GLDC: variants seen among roughly 807,000 people sequenced by gnomAD.
GLDC encodes glycine decarboxylase, also known as glycine dehydrogenase (decarboxylating), mitochondrial.
In GLDC, 104 loss-of-function variants were observed where a neutral mutation model predicts 121.3. The ratio of observed to expected loss-of-function variants is 0.86; its 90% CI spans 0.73 to 1.01. The LOEUF (loss-of-function observed/expected upper bound fraction) is 1.01. Among genes scored for constraint, GLDC ranks in the 50% least tolerant of loss-of-function variants. The probability of loss-of-function intolerance (pLI) is 0.00; values close to 1 mark genes in which losing one functional copy is unlikely to be tolerated. For synonymous variants in GLDC, 546 were observed against 480.6 expected, an observed-to-expected ratio of 1.14 and a Z score of -1.78; for missense variants, 1,429 against 1,306.6, an observed-to-expected ratio of 1.09 and a Z score of -1.44.
At chr9:6,600,817 G>T (rs980669189) in intron 8 of GLDC, among the ~76,000 whole-genome samples, 1 of 152,196 alleles carries the variant, frequency 6.6e-6, no homozygotes, top group African/African-American at 2.4e-5. Flanking sequence ...ACTTCAAGGA[G>T]CAGAACCCAG....
intron 21 of GLDC, among the ~76,000 whole-genome samples, chr9:6,544,692 A>G (rs1011351896): frequency 1.2e-4 from 18 of 150,522 alleles, no homozygotes; most frequent in Non-Finnish European, 2.4e-4. Flanking sequence ...AACATAAAGA[A>G]AACGTTGGGA....
intron 2 of GLDC, chr9:6,639,112 T>C: frequency 1.4e-6 from 1 of 722,432 alleles, no homozygotes; most frequent in Admixed American, 2.0e-5. Context: ...TATTGAGAAT[T>C]AATGACAAAA....
chr9:6,562,492 G>GA (rs2129748573), intron 16 of GLDC, among the ~76,000 whole-genome samples: 1 of 152,242 alleles, frequency 6.6e-6, no homozygotes, highest in African/African-American at 2.4e-5. Context: ...TCAGTGATGT[G>GA]AAAAAATCTT....
intron 4 of GLDC, among the ~76,000 whole-genome samples, chr9:6,609,938 TC>T (rs1223066145): frequency 1.4e-4 from 21 of 151,994 alleles, no homozygotes; most frequent in African/African-American, 5.1e-4. Flanking sequence ...TCTTTACCCC[TC>T]GCCTGCCAAC....
intron 15 of GLDC, among the ~76,000 whole-genome samples, chr9:6,568,077 GA>G (rs1209797850): frequency 6.6e-6 from 1 of 152,136 alleles, no homozygotes; most frequent in Non-Finnish European, 1.5e-5. Flanking sequence ...TGACTTTCTT[GA>G]AAGGCCAATC....
chr9:6,640,812 T>A (rs902789987), intron 2 of GLDC, among the ~76,000 whole-genome samples: 1 of 152,182 alleles, frequency 6.6e-6, no homozygotes, highest in Non-Finnish European at 1.5e-5. Context: ...CATAAAGTAA[T>A]TTTTAACTTT....
chr9:6,593,085 G>C, intron 9 of GLDC, 95 bp from the exon 10 acceptor site: 2 of 1,337,380 alleles, frequency 1.5e-6, no homozygotes, highest in Non-Finnish European at 2.2e-6. Flanking sequence ...AATTCTACTA[G>C]ACTCTTGTTG....
At chr9:6,557,837 A>C (rs1438091506) in intron 17 of GLDC, 1 of 154,328 alleles carries the variant, frequency 6.5e-6, no homozygotes. Flanking sequence ...GGACTTAATA[A>C]TTTCAACTAC....
intron 18 of GLDC, 170 bp from the exon 19 acceptor site, chr9:6,554,951 C>G (rs1347101299): frequency 1.5e-6 from 1 of 677,630 alleles, no homozygotes; most frequent in Admixed American, 2.1e-5. Context: ...TCCGTAGTCA[C>G]AAACTGGCAT....
chr9:6,597,141 A>T (rs967355885), intron 8 of GLDC, among the ~76,000 whole-genome samples: 8 of 152,226 alleles, frequency 5.3e-5, no homozygotes, highest in Admixed American at 1.3e-4. Flanking sequence ...GTATGATCCC[A>T]TTTATATGAA....
At position 6,616,414 on chromosome 9, in the gene GLDC, C is replaced by T. The variant is rs190779436; in HGVS notation, c.470+3770G>A. On this transcript the variant is annotated intron_variant, in intron 3 of 24. Transcript: ENST00000321612. Reference sequence around the variant, plus strand: ...TGCAAATATGCCAAATATGTAATCTCACTCCTTTTACATGTAAACTTCTTG... The same window carrying T: ...TGCAAATATGCCAAATATGTAATCTTACTCCTTTTACATGTAAACTTCTTG... Among the ~76,000 whole-genome samples, 449 of 152,322 alleles carry T rather than the reference C, an allele frequency of 2.9e-3. 2 individuals carry two copies. The highest frequency in any genetic ancestry group is 0.01 in the African/African-American group (430 of 41,560).
At chr9:6,561,563 C>T (rs1366311530) in intron 16 of GLDC, among the ~76,000 whole-genome samples, 1 of 152,148 alleles carries the variant, frequency 6.6e-6, no homozygotes, top group African/African-American at 2.4e-5. Context: ...GCATGAGAAT[C>T]ACTTGAACCC....
At chr9:6,533,310 T>TA (rs1034841159) in intron 24 of GLDC, 150 bp from the exon 25 acceptor site, 35 of 774,494 alleles carry the variant, frequency 4.5e-5, no homozygotes, top group Admixed American at 7.4e-5. Flanking sequence ...CATTACCATT[T>TA]AAAAAAAAGA....
Position 6,606,598 on chromosome 9 carries a change from C to G in GLDC, c.707G>C (p.Arg236Pro), listed in dbSNP as rs772832052. 7 of 1,578,896 alleles carry G rather than the reference C, an allele frequency of 4.4e-6. No individual in the cohort carries two copies. Among genetic ancestry groups the G allele is most frequent in the African/African-American group, 2.7e-5 (2 of 73,890 alleles). ...CACGAATCAAATTAATTACTTGGCT[C>G]GAGTCTGGACAACAGCTATTGTCTG... Reference protein sequence around the residue: ...HPQTIAVVQTRAKYTGVLTEL... With the variant: ...HPQTIAVVQTPAKYTGVLTEL... Residue 236 changes from arginine to proline, a missense_variant, in exon 5 of 25, where the codon CGA becomes CCA. Coordinates refer to ENST00000321612, the MANE Select transcript of GLDC (RefSeq NM_000170.3).
chr9:6,613,209 T>C (rs552372836), intron 3 of GLDC, among the ~76,000 whole-genome samples: 1 of 152,354 alleles, frequency 6.6e-6, no homozygotes, highest in Non-Finnish European at 1.5e-5. Context: ...TTGTAACAAG[T>C]TGGAAAATCC....
chr9:6,593,408 C>T (rs1042474800), intron 9 of GLDC, among the ~76,000 whole-genome samples: 12 of 151,824 alleles, frequency 7.9e-5, no homozygotes, highest in Admixed American at 6.6e-4. Flanking sequence ...ATGCAATCCC[C>T]TTGCCTCAGC....
rs1587938131 is a variant in GLDC, at chr9:6,575,761, CTCTT to C, written c.1851-10336_1851-10333del. On this transcript the variant is annotated intron_variant, in intron 15 of 24. Transcript: ENST00000321612. ...ACATATCCATGGGAGGTGTTAATTA[CTCTT>C]TCTGTCTGCCTTAAACATCACATCA... Among the ~76,000 whole-genome samples, 3 of 152,314 alleles carry C rather than the reference CTCTT, an allele frequency of 2.0e-5. No individual in the cohort carries two copies. In the South Asian group the frequency reaches 6.2e-4, roughly 32 times the overall value.
chr9:6,610,050 C>T (rs985708986), intron 4 of GLDC, 142 bp downstream of exon 4: 1 of 683,328 alleles, frequency 1.5e-6, no homozygotes, highest in Admixed American at 2.6e-5. Flanking sequence ...GGTTTTTGAA[C>T]CTGTTGAGTT....
At chr9:6,631,254 C>T (rs1819371507) in intron 2 of GLDC, among the ~76,000 whole-genome samples, 1 of 152,206 alleles carries the variant, frequency 6.6e-6, no homozygotes, top group Non-Finnish European at 1.5e-5. Context: ...CCTCAGGACA[C>T]CTCCACTCAA....
Sources: gnomAD v4.1 joint callset for allele counts (sites outside exome capture counted in the v4.1 genomes callset) on GRCh38, gnomAD v4.1.1 for gene constraint, MANE v1.5 for transcripts, NCBI Gene and HGNC (gene_info 2026-07-23, HGNC 2026-07-21) for gene names.